Variants in KLHL14 observed in about 807,000 individuals in gnomAD.
KLHL14 encodes the protein kelch-like protein 14.
Under a neutral mutation model 64.3 loss-of-function variants are expected in KLHL14, and 22 were observed. The observed-to-expected ratio is 0.34, with a 90% CI of 0.24 to 0.49. The LOEUF is 0.49. Among genes scored for constraint, KLHL14 ranks in the 20% least tolerant of loss-of-function variants. KLHL14 has a pLI of 0.99. For missense variants in KLHL14, 661 were observed against 789.0 expected (o/e 0.84, Z 1.94); for synonymous variants, 322 against 333.4 (o/e 0.97, Z 0.37).
intron 4 of KLHL14, among the ~76,000 whole-genome samples, chr18:32,692,203 C>T (rs1221025753): frequency 6.6e-6 from 1 of 152,140 alleles, no homozygotes; most frequent in Non-Finnish European, 1.5e-5. Flanking sequence ...TTGCTGACTT[C>T]AAACTGTGGT....
chr18:32,701,935 T>C (rs2049968068), intron 3 of KLHL14, among the ~76,000 whole-genome samples: 1 of 152,244 alleles, frequency 6.6e-6, no homozygotes, highest in Non-Finnish European at 1.5e-5. Flanking sequence ...TTACATTTTG[T>C]TGGAACCCAT....
At chr18:32,760,240 A>T (rs1486248725) in intron 2 of KLHL14, among the ~76,000 whole-genome samples, 1 of 152,182 alleles carries the variant, frequency 6.6e-6, no homozygotes, top group Non-Finnish European at 1.5e-5. Flanking sequence ...CATTCAAAAT[A>T]GACTTTATCT....
intron 3 of KLHL14, among the ~76,000 whole-genome samples, chr18:32,704,826 T>C (rs1598556238): frequency 6.6e-6 from 1 of 152,214 alleles, no homozygotes; most frequent in Non-Finnish European, 1.5e-5. Context: ...CATATGAAGA[T>C]GAATTGTACA....
intron 3 of KLHL14, among the ~76,000 whole-genome samples, chr18:32,701,851 T>C (rs1370745278): frequency 6.6e-6 from 1 of 152,188 alleles, no homozygotes; most frequent in Non-Finnish European, 1.5e-5. Flanking sequence ...TGCAGATACA[T>C]AACACATGTG....
At chr18:32,700,136 T>C (rs2144490044) in intron 3 of KLHL14, among the ~76,000 whole-genome samples, 1 of 152,228 alleles carries the variant, frequency 6.6e-6, no homozygotes, top group African/African-American at 2.4e-5. Flanking sequence ...CAGCAGAAAG[T>C]ATACGTATCC....
rs946459710 is a variant in KLHL14, at chr18:32,753,683, T to C, written c.948-11634A>G. ...GGATCAGGACGAGTTTATCTTTATATTATACATAGCACTTGACACTTCATC... is the reference window on the plus strand; with the variant it reads ...GGATCAGGACGAGTTTATCTTTATACTATACATAGCACTTGACACTTCATC... On this transcript the variant is annotated intron_variant, in intron 2 of 8. Transcript: ENST00000359358. 1.2e-4 allele frequency among the ~76,000 whole-genome samples: 18 copies of C among 152,170 alleles called. 1 individual carries two copies. Among genetic ancestry groups the C allele is most frequent in the Admixed American group, 9.8e-4 (15 of 15,274 alleles).
chr18:32,694,033 C>A (rs1460276886), intron 4 of KLHL14, among the ~76,000 whole-genome samples: 1 of 151,940 alleles, frequency 6.6e-6, no homozygotes, highest in Non-Finnish European at 1.5e-5. Flanking sequence ...TTCTGTGTTG[C>A]TGCTTAAGAT....
chr18:32,675,712 A>G (rs571417302), intron 8 of KLHL14, among the ~76,000 whole-genome samples: 2 of 152,292 alleles, frequency 1.3e-5, no homozygotes, highest in East Asian at 3.9e-4. Flanking sequence ...TGTGTTTATC[A>G]TAGGAAAAAA....
chr18:32,746,039 A>ACAT (rs2050222234), intron 2 of KLHL14, among the ~76,000 whole-genome samples: 1 of 152,102 alleles, frequency 6.6e-6, no homozygotes, highest in Non-Finnish European at 1.5e-5. Flanking sequence ...TCTCATGGCA[A>ACAT]CATAGTATAC....
chr18:32,761,282 G>C (rs567273896), intron 2 of KLHL14, among the ~76,000 whole-genome samples: 20 of 151,678 alleles, frequency 1.3e-4, no homozygotes, highest in African/African-American at 4.6e-4. Context: ...TGAAAAACAT[G>C]CTGATTTTTC....
intron 3 of KLHL14, among the ~76,000 whole-genome samples, chr18:32,699,328 A>T (rs747388255): frequency 3.9e-5 from 6 of 152,142 alleles, no homozygotes; most frequent in Non-Finnish European, 5.9e-5. Context: ...AAATACAACA[A>T]CACTTGCGTT....
At chr18:32,741,342 AG>A (rs2050196233) in intron 3 of KLHL14, among the ~76,000 whole-genome samples, 1 of 152,200 alleles carries the variant, frequency 6.6e-6, no homozygotes, top group African/African-American at 2.4e-5. Flanking sequence ...ATCGCCCTTT[AG>A]GAAGGGGAGG....
At chr18:32,772,088 G>A in intron 1 of KLHL14, 1 of 199,462 alleles carries the variant, frequency 5.0e-6, no homozygotes, top group Admixed American at 7.4e-5. Context: ...CTTGCATCCC[G>A]CCCGCGCGCC....
chr18:32,768,431 A>ACACC (rs1175320766), intron 2 of KLHL14, among the ~76,000 whole-genome samples: 1 of 143,678 alleles, frequency 7.0e-6, no homozygotes, highest in African/African-American at 2.6e-5. Context: ...ACACACACAC[A>ACACC]CCATTTAATT....
intron 3 of KLHL14, among the ~76,000 whole-genome samples, chr18:32,710,571 A>T (rs543835497): frequency 1.3e-5 from 2 of 152,248 alleles, no homozygotes; most frequent in African/African-American, 2.4e-5. Context: ...GAATGTAAGC[A>T]TCTCTGCCAG....
intron 5 of KLHL14, among the ~76,000 whole-genome samples, chr18:32,686,534 T>G (rs1212587643): frequency 6.6e-6 from 1 of 152,132 alleles, no homozygotes; most frequent in Non-Finnish European, 1.5e-5. Flanking sequence ...ATAACTACTC[T>G]GTATGCAAAA....
chr18:32,750,036 T>TGAGA (rs142998098), intron 2 of KLHL14, among the ~76,000 whole-genome samples: 2 of 149,054 alleles, frequency 1.3e-5, no homozygotes, highest in South Asian at 2.1e-4. Flanking sequence ...AGGGGGGCAA[T>TGAGA]GAGAGAGAGA....
Position 32,676,843 on chromosome 18 carries a change from G to A in KLHL14, c.1746+330C>T, listed in dbSNP as rs184991699. On this transcript the variant is annotated intron_variant, in intron 8 of 8. Coordinates refer to ENST00000359358, the MANE Select transcript of KLHL14 (RefSeq NM_020805.3). ...GAATTTCCATTTTTCATGCCTTACC[G>A]GTCAGAAACCTTTCAGACTCTCTTA... Among the ~76,000 whole-genome samples the A allele has an allele frequency of 9.2e-4, 140 of 152,176 alleles. 1 individual carries two copies. The highest frequency in any genetic ancestry group is 3.4e-3 in the Middle Eastern group (1 of 294).
At chr18:32,702,774 C>G (rs188028893) in intron 3 of KLHL14, among the ~76,000 whole-genome samples, 1 of 152,042 alleles carries the variant, frequency 6.6e-6, no homozygotes, top group African/African-American at 2.4e-5. Context: ...TATGAGTTGG[C>G]AAATGTTCTG....
Sources: allele counts gnomAD v4.1 joint callset (sites outside exome capture counted in the v4.1 genomes callset), GRCh38; gene constraint gnomAD v4.1.1; transcripts MANE v1.5; gene names NCBI Gene and HGNC (gene_info 2026-07-23, HGNC 2026-07-21).